CPT1A: variants seen among roughly 807,000 people sequenced by gnomAD.
CPT1A encodes the protein carnitine O-palmitoyltransferase 1, liver isoform.
In CPT1A, 64 loss-of-function variants were observed where a neutral mutation model predicts 100.8. The ratio of observed to expected loss-of-function variants is 0.63; its 90% CI spans 0.52 to 0.78. The LOEUF is 0.78. Among genes scored for constraint, CPT1A ranks in the 30% least tolerant of loss-of-function variants. The pLI, the probability that CPT1A is intolerant of heterozygous loss-of-function variation, is 0.00. For missense variants in CPT1A, 802 were observed against 1,034.1 expected, an observed-to-expected ratio of 0.78 and a Z score of 3.08; for synonymous variants, 363 against 396.0, an observed-to-expected ratio of 0.92 and a Z score of 0.99.
chr11:68,793,909 T>C (rs1213554072), intron 8 of CPT1A, among the ~76,000 whole-genome samples: 1 of 152,138 alleles, frequency 6.6e-6, no homozygotes, highest in Non-Finnish European at 1.5e-5. Context: ...CATGCCAGGG[T>C]GCAACTTCCT....
chr11:68,813,056 C>CA (rs751161035), intron 2 of CPT1A, among the ~76,000 whole-genome samples: 4,154 of 127,078 alleles, frequency 0.033, 175 homozygotes, highest in African/African-American at 0.11. Context: ...ATACTCCAGC[C>CA]AAAAAAAAAA....
At chr11:68,815,310 AG>A in intron 2 of CPT1A, 23 bp downstream of exon 2, 1 of 1,612,712 alleles carries the variant, frequency 6.2e-7, no homozygotes, top group Non-Finnish European at 8.5e-7. Context: ...CATACTGTGT[AG>A]ATTTCAACAA....
chr11:68,842,774 G>A (rs980196321), upstream of CPT1A, among the ~76,000 whole-genome samples: 20 of 151,966 alleles, frequency 1.3e-4, no homozygotes, highest in Non-Finnish European at 2.6e-4. Context: ...AGTCTAGGGC[G>A]AGCGCAGCTG....
intron 12 of CPT1A, among the ~76,000 whole-genome samples, chr11:68,775,841 A>T (rs759623054): frequency 6.6e-6 from 1 of 152,170 alleles, no homozygotes; most frequent in Non-Finnish European, 1.5e-5. Flanking sequence ...AGTGAAATAT[A>T]CCTGTATGAC....
chr11:68,805,896 C>A (rs1318505806), intron 4 of CPT1A, among the ~76,000 whole-genome samples: 1 of 152,208 alleles, frequency 6.6e-6, no homozygotes, highest in Non-Finnish European at 1.5e-5. Flanking sequence ...GCAGATGGTA[C>A]ACGGGGCACA....
intron 8 of CPT1A, among the ~76,000 whole-genome samples, chr11:68,793,671 G>A (rs966463203): frequency 5.3e-5 from 8 of 151,576 alleles, no homozygotes; most frequent in Non-Finnish European, 7.4e-5. Flanking sequence ...GCATGAACCC[G>A]GGAGGCAGAG....
intron 3 of CPT1A, among the ~76,000 whole-genome samples, chr11:68,810,459 G>A (rs1252391198): frequency 6.6e-6 from 1 of 152,138 alleles, no homozygotes; most frequent in Non-Finnish European, 1.5e-5. Context: ...TATGTTTCTT[G>A]CAGACTCTTA....
chr11:68,770,578 C>T lies in CPT1A; in HGVS notation c.1740+2687G>A, dbSNP rs115335984. Among the ~76,000 whole-genome samples the T allele has an allele frequency of 1.3e-3, 205 of 152,352 alleles. 1 individual carries two copies. Among genetic ancestry groups the T allele is most frequent in the African/African-American group, 4.8e-3 (198 of 41,586 alleles). ...TATTACTAAGCCCCTTGACCAAGAG[C>T]TCTTATCAGGAATGGATGTTAAACG... On this transcript the variant is annotated intron_variant, in intron 14 of 18. Coordinates refer to ENST00000265641, the MANE Select transcript of CPT1A (RefSeq NM_001876.4).
At chr11:68,761,749 T>G in intron 15 of CPT1A, 62 bp from the exon 16 acceptor site, 1 of 1,582,888 alleles carries the variant, frequency 6.3e-7, no homozygotes, top group South Asian at 1.1e-5. Context: ...GTTACGGATC[T>G]AAGTTAGCCA....
At chr11:68,838,582 A>AAAAAACAAAAAAAAAC (rs1857077796) in intron 1 of CPT1A, among the ~76,000 whole-genome samples, 3 of 145,290 alleles carry the variant, frequency 2.1e-5, no homozygotes, top group African/African-American at 7.7e-5. Context: ...TAAAAAAAAA[A>AAAAAACAAAAAAAAAC]AAAAAAAAAC....
chr11:68,792,240 G>A (rs1855635737), intron 9 of CPT1A, among the ~76,000 whole-genome samples: 1 of 152,126 alleles, frequency 6.6e-6, no homozygotes, highest in Non-Finnish European at 1.5e-5. Flanking sequence ...GGGAGGCTGA[G>A]GCAGGAGAAT....
intron 1 of CPT1A, among the ~76,000 whole-genome samples, chr11:68,816,200 G>A (rs780067179): frequency 1.3e-5 from 2 of 151,690 alleles, no homozygotes; most frequent in Non-Finnish European, 2.9e-5. Context: ...GACAGCCCTA[G>A]ACTCTGAACT....
At position 68,841,816 on chromosome 11, in the gene CPT1A, G is replaced by A. The variant is rs1459710734; in HGVS notation, c.-55C>T. ...GTGCGGCAGCGGCAGCGGCAGCGGC[G>A]GCGGCGGCGGCGGCGGTGGAGTGAA... On this transcript the variant is annotated 5_prime_UTR_variant, in exon 1 of 19. Transcript: ENST00000265641. This position sits in a 1 kb window ranked among gnomAD's most constrained non-coding sequence, Gnocchi z 6.3. The A allele has an allele frequency of 4.1e-5, 41 of 993,154 alleles. No individual in the cohort carries two copies. The highest frequency in any genetic ancestry group is 1.1e-4 in the East Asian group (1 of 9,252). 61.5% of individuals were successfully genotyped at this position (993,154 alleles called of 1,614,324 possible).
chr11:68,777,082 C>G (rs1411585846), intron 12 of CPT1A, among the ~76,000 whole-genome samples: 1 of 152,166 alleles, frequency 6.6e-6, no homozygotes, highest in Non-Finnish European at 1.5e-5. Context: ...GATCAGGTTC[C>G]ACCTGCTCTG....
chr11:68,768,539 G>C (rs1046285937), intron 14 of CPT1A, among the ~76,000 whole-genome samples: 3 of 152,068 alleles, frequency 2.0e-5, no homozygotes, highest in Admixed American at 6.6e-5. Context: ...CTCTCAAGTA[G>C]CTGGGATTAC....
chr11:68,762,939 T>C (rs1417439261), intron 14 of CPT1A, among the ~76,000 whole-genome samples, 178 bp from the exon 15 acceptor site: 1 of 152,140 alleles, frequency 6.6e-6, no homozygotes, highest in Non-Finnish European at 1.5e-5. Flanking sequence ...TCACTGCAGC[T>C]TCAACCTCCC....
chr11:68,779,795 CA>C (rs11419131), intron 12 of CPT1A, among the ~76,000 whole-genome samples: 134 of 124,028 alleles, frequency 1.1e-3, no homozygotes, highest in Middle Eastern at 4.2e-3. Flanking sequence ...GACCCTGTCT[CA>C]AAAAAAAAAA....
rs1212529394 is a variant in CPT1A at position 68,773,264 on chromosome 11, C to G, written c.1740+1G>C. 6.2e-7 allele frequency: 1 copy of G among 1,614,010 alleles called. No homozygotes were observed. Among genetic ancestry groups the G allele is most frequent in the Non-Finnish European group, 8.5e-7 (1 of 1,180,006 alleles). On this transcript the variant is annotated splice_donor_variant, in intron 14 of 18. Transcript: ENST00000265641. LOFTEE classifies it high-confidence loss of function. The stretch of plus-strand genomic sequence containing the variant: ...CAAAACCCTAGGCGGTCAGTTCTTA[C>G]CTTGTAGTGCGCCAGCTGGAGGGCC...
chr11:68,769,602 T>A lies in CPT1A; in HGVS notation c.1740+3663A>T, dbSNP rs2153996287. ...GTTTTAGGATTTGAAAAAGTACATG[T>A]CCACCTCCCCGTGTCCTGCCTCCGC... On this transcript the variant is annotated intron_variant, in intron 14 of 18. Coordinates refer to ENST00000265641, the MANE Select transcript of CPT1A (RefSeq NM_001876.4). 1.3e-5 allele frequency among the ~76,000 whole-genome samples: 2 copies of A among 152,160 alleles called. 1 individual carries two copies. Among genetic ancestry groups the A allele is most frequent in the South Asian group, 4.1e-4 (2 of 4,824 alleles).
Sources: gnomAD v4.1 joint callset for allele counts (sites outside exome capture counted in the v4.1 genomes callset) on GRCh38, gnomAD v4.1.1 for gene constraint, Gnocchi (gnomAD v3.1) non-coding constraint, MANE v1.5 for transcripts, NCBI Gene and HGNC (gene_info 2026-07-23, HGNC 2026-07-21) for gene names.